Variants in PRKCA observed in about 807,000 individuals in gnomAD.
PRKCA encodes the protein protein kinase C alpha type.
In PRKCA, 27 loss-of-function variants were observed where a neutral mutation model predicts 87.0. The observed-to-expected ratio is 0.31, with a 90% CI of 0.23 to 0.43. PRKCA has a LOEUF of 0.43. PRKCA is among the 20% of genes least tolerant of loss of function. The pLI, the probability that PRKCA is intolerant of heterozygous loss-of-function variation, is 1.00. For synonymous variants in PRKCA, 329 were observed against 311.1 expected (o/e 1.06, Z -0.61); for missense variants, 518 against 852.3 (o/e 0.61, Z 4.88).
chr17:66,564,220 AT>A (rs1968818972), intron 3 of PRKCA, among the ~76,000 whole-genome samples: 2 of 151,942 alleles, frequency 1.3e-5, no homozygotes, highest in Admixed American at 1.3e-4. Flanking sequence ...CTAGAATTAC[AT>A]TTGCCCACCA....
chr17:66,741,667 C>T lies in PRKCA; in HGVS notation c.1331C>T (p.Ala444Val), dbSNP rs755962439. The T allele has an allele frequency of 3.1e-6, 5 of 1,614,066 alleles. No individual in the cohort carries two copies. The highest frequency in any genetic ancestry group is 2.2e-5 in the South Asian group (2 of 91,062). Residue 444 changes from alanine to valine, a missense_variant, in exon 12 of 17, where the codon GCG (alanine) becomes GTG (valine). Ala to Val is a moderately conservative substitution (Grantham distance 64). Coordinates refer to ENST00000413366, the MANE Select transcript of PRKCA (RefSeq NM_002737.3). Reference sequence around the variant, plus strand: ...CCCGTTTTCTTTTGCAGATTCTATGCGGCAGAGATTTCCATCGGATTGTTC... The same window carrying T: ...CCCGTTTTCTTTTGCAGATTCTATGTGGCAGAGATTTCCATCGGATTGTTC... The part of the protein sequence containing the change: ...KFKEPQAVFY[A>V]AEISIGLFFL...
intron 3 of PRKCA, among the ~76,000 whole-genome samples, chr17:66,614,854 T>G (rs916836545): frequency 1.3e-5 from 2 of 152,198 alleles, no homozygotes; most frequent in African/African-American, 4.8e-5. Context: ...ACATTGTAAT[T>G]CATGGGCATA....
At chr17:66,353,594 T>G (rs371938482) in intron 2 of PRKCA, among the ~76,000 whole-genome samples, 9 of 152,186 alleles carry the variant, frequency 5.9e-5, no homozygotes, top group African/African-American at 2.2e-4. Flanking sequence ...CCTGCTCCTG[T>G]AATCCCAGCT....
chr17:66,700,065 T>C (rs148528560), intron 8 of PRKCA, among the ~76,000 whole-genome samples: 1,747 of 152,298 alleles, frequency 0.011, 17 homozygotes, highest in Middle Eastern at 0.024. Context: ...CTCAACAAAA[T>C]ACTATCAAAC....
chr17:66,676,015 A>G (rs1972318649), intron 5 of PRKCA, among the ~76,000 whole-genome samples: 1 of 152,176 alleles, frequency 6.6e-6, no homozygotes, highest in South Asian at 2.1e-4. Flanking sequence ...GGCGCTCGGT[A>G]AATCCTGTTC....
At chr17:66,786,802 C>G (rs1363894484) in intron 14 of PRKCA, 65 bp from the exon 15 acceptor site, 10 of 1,355,770 alleles carry the variant, frequency 7.4e-6, no homozygotes, top group Non-Finnish European at 1.0e-5. Flanking sequence ...ATTGGCTCTT[C>G]AGGCACCATG....
At chr17:66,660,801 C>T (rs988237044) in intron 5 of PRKCA, among the ~76,000 whole-genome samples, 2 of 151,780 alleles carry the variant, frequency 1.3e-5, no homozygotes, top group African/African-American at 2.4e-5. Context: ...CCCAGCTACT[C>T]GGGAGGCTGA....
chr17:66,545,733 A>T (rs184360682), intron 3 of PRKCA, among the ~76,000 whole-genome samples: 4 of 152,344 alleles, frequency 2.6e-5, no homozygotes, highest in Non-Finnish European at 5.9e-5. Context: ...GAAGAACATT[A>T]AAAAAATCTG....
chr17:66,414,143 G>C (rs567596286), intron 2 of PRKCA, among the ~76,000 whole-genome samples: 14 of 152,240 alleles, frequency 9.2e-5, no homozygotes, highest in African/African-American at 2.6e-4. Context: ...CAGTGATATG[G>C]TTTGGATCTG....
At position 66,499,299 on chromosome 17, in the gene PRKCA, G is replaced by A. The variant is rs182254435; in HGVS notation, c.288+3016G>A. On this transcript the variant is annotated intron_variant, in intron 3 of 16. Transcript: ENST00000413366. ...ATCAGGGTAGGGAAACCAAGAAGGGGCAGCCAGAAAAGTAGGAAGAAAACC... is the reference window on the plus strand; with the variant it reads ...ATCAGGGTAGGGAAACCAAGAAGGGACAGCCAGAAAAGTAGGAAGAAAACC... 6.4e-3 allele frequency among the ~76,000 whole-genome samples: 970 copies of A among 152,172 alleles called. 31 individuals are homozygous for A. Among genetic ancestry groups the A allele is most frequent in the Admixed American group, 0.055 (841 of 15,276 alleles).
At chr17:66,665,748 TG>T (rs1972027852) in intron 5 of PRKCA, among the ~76,000 whole-genome samples, 1 of 152,212 alleles carries the variant, frequency 6.6e-6, no homozygotes, top group Admixed American at 6.5e-5. Context: ...CCTGCAGCTA[TG>T]GGTATTTTTG....
chr17:66,567,071 C>T (rs1968926824), intron 3 of PRKCA, among the ~76,000 whole-genome samples: 1 of 152,016 alleles, frequency 6.6e-6, no homozygotes, highest in South Asian at 2.1e-4. Flanking sequence ...GCGTCCTTTC[C>T]TTAATTTTAA....
chr17:66,532,854 G>C (rs1485635261), intron 3 of PRKCA, among the ~76,000 whole-genome samples: 1 of 152,156 alleles, frequency 6.6e-6, no homozygotes, highest in East Asian at 1.9e-4. Flanking sequence ...CTTTCTTCAG[G>C]GGTTTATTCC....
In PRKCA at chr17:66,438,495, GA is replaced by G. The variant is rs1913536344; in HGVS notation, c.206-57702del. 2.0e-5 allele frequency among the ~76,000 whole-genome samples: 3 copies of G among 152,124 alleles called. No homozygotes were observed. The South Asian group carries it at 6.2e-4, about 32-fold the overall frequency. On this transcript the variant is annotated intron_variant, in intron 2 of 16. Coordinates refer to ENST00000413366, the MANE Select transcript of PRKCA (RefSeq NM_002737.3). ...GAGAGCTTTAGGAAACAAGTTGTTTGAAAACTCTGTTGAGTTGGCTTTGAGC... is the reference window on the plus strand; with the variant it reads ...GAGAGCTTTAGGAAACAAGTTGTTTGAAACTCTGTTGAGTTGGCTTTGAGC...
intron 2 of PRKCA, among the ~76,000 whole-genome samples, chr17:66,400,520 A>T (rs747504435): frequency 3.3e-4 from 50 of 152,352 alleles, no homozygotes; most frequent in Middle Eastern, 6.8e-3. Context: ...CTGTCTGCCT[A>T]TCAAACAACA....
At chr17:66,562,226 T>TTATA (rs575278311) in intron 3 of PRKCA, among the ~76,000 whole-genome samples, 6 of 131,256 alleles carry the variant, frequency 4.6e-5, no homozygotes, top group African/African-American at 9.0e-5. Flanking sequence ...TTATATATAA[T>TTATA]TATATATATA....
intron 2 of PRKCA, among the ~76,000 whole-genome samples, chr17:66,468,499 A>G (rs116800390): frequency 0.043 from 6,516 of 152,228 alleles, 171 homozygotes; most frequent in South Asian, 0.096. Context: ...GTCCAACCCT[A>G]TTATAACTGA....
intron 2 of PRKCA, among the ~76,000 whole-genome samples, chr17:66,307,716 A>G (rs933964665): frequency 6.6e-6 from 1 of 152,202 alleles, no homozygotes; most frequent in African/African-American, 2.4e-5. Context: ...GATTTCCCCC[A>G]GAGCATCTCT....
At chr17:66,750,424 T>C (rs1208158503) in intron 13 of PRKCA, among the ~76,000 whole-genome samples, 1 of 152,184 alleles carries the variant, frequency 6.6e-6, no homozygotes, top group Admixed American at 6.5e-5. Context: ...AGGCTTTCCT[T>C]TGGGGTCTTC....
Sources: gnomAD v4.1 joint callset for allele counts (sites outside exome capture counted in the v4.1 genomes callset) on GRCh38, gnomAD v4.1.1 for gene constraint, MANE v1.5 for transcripts, NCBI Gene and HGNC (gene_info 2026-07-23, HGNC 2026-07-21) for gene names.